Variants in MED13L observed in about 807,000 individuals in gnomAD.
The protein encoded by MED13L is mediator complex subunit 13L, also known as mediator of RNA polymerase II transcription subunit 13-like.
MED13L carries 7 observed loss-of-function variants against 220.9 expected under a neutral mutation model. That is an observed-to-expected ratio of 0.03 (90% CI 0.02 to 0.06). The LOEUF is 0.06. Among genes scored for constraint, MED13L ranks in the 10% least tolerant of loss-of-function variants. The pLI is 1.00. For missense variants in MED13L, 1,965 were observed against 2,760.5 expected (o/e 0.71, Z 6.46); for synonymous variants, 1,011 against 1,015.2 (o/e 1.00, Z 0.08).
chr12:116,091,558 G>A (rs1368239689), intron 4 of MED13L, among the ~76,000 whole-genome samples: 1 of 152,182 alleles, frequency 6.6e-6, no homozygotes, highest in Non-Finnish European at 1.5e-5. Context: ...TTTATCACAA[G>A]CCCTTATTAA....
rs1874343770 is a variant in MED13L, at chr12:116,114,367, T to C, written c.311-2855A>G. On this transcript the variant is annotated intron_variant, in intron 2 of 30. Coordinates refer to ENST00000281928, the MANE Select transcript of MED13L (RefSeq NM_015335.5). ...GCGCTGTGGAACACTGAACAATTAATGAGCATGCACAGGCAATGCCAGCTT... is the reference window on the plus strand; with the variant it reads ...GCGCTGTGGAACACTGAACAATTAACGAGCATGCACAGGCAATGCCAGCTT... Among the ~76,000 whole-genome samples, 3 of 152,234 alleles carry C rather than the reference T, an allele frequency of 2.0e-5. No homozygotes were observed. The South Asian group carries it at 6.2e-4, about 31-fold the overall frequency.
At chr12:116,162,113 G>C (rs1878897600) in intron 2 of MED13L, among the ~76,000 whole-genome samples, 1 of 152,140 alleles carries the variant, frequency 6.6e-6, no homozygotes, top group South Asian at 2.1e-4. Context: ...AAAGCAGATA[G>C]ATCCCAAAAC....
Position 115,983,447 on chromosome 12 carries a change from G to T in MED13L, c.4625C>A (p.Pro1542Gln), listed in dbSNP as rs746833121. The change falls in exon 21 of 31, where the codon CCA (proline) becomes CAA (glutamine). Residue 1542 changes from proline to glutamine, a missense_variant. Physicochemically the swap from Pro to Gln is moderately conservative, Grantham distance 76. This residue lies in a region of MED13L where 510 missense variants were observed against 620.4 expected (regional missense o/e 0.82). Coordinates refer to ENST00000281928, the MANE Select transcript of MED13L (RefSeq NM_015335.5). Reference protein sequence around the residue: ...PPAAAQGQATPGNAGPLAPNG... With the variant: ...PPAAAQGQATQGNAGPLAPNG... ...TGGAGCTAAGGGCCCAGCATTCCCTGGCGTAGCTTGTCCCTGTGCTGCTGC... is the reference window on the plus strand; with the variant it reads ...TGGAGCTAAGGGCCCAGCATTCCCTTGCGTAGCTTGTCCCTGTGCTGCTGC... 2.2e-5 allele frequency: 36 copies of T among 1,614,052 alleles called. No homozygotes were observed. The highest frequency in any genetic ancestry group is 2.9e-5 in the Non-Finnish European group (34 of 1,180,026).
chr12:116,124,130 G>GAGAGAGAGAGAGAC (rs1875346834), intron 2 of MED13L, among the ~76,000 whole-genome samples: 1 of 119,130 alleles, frequency 8.4e-6, no homozygotes, highest in Admixed American at 8.6e-5. Context: ...AGACGAGAGA[G>GAGAGAGAGAGAGAC]AGAGAGAGAG....
intron 3 of MED13L, among the ~76,000 whole-genome samples, chr12:116,100,250 T>C (rs946135018): frequency 1.3e-5 from 2 of 152,092 alleles, no homozygotes; most frequent in Admixed American, 6.6e-5. Flanking sequence ...GTAGCCTATA[T>C]AGAGGCACAA....
chr12:116,256,682 C>CTTTTTTTTTTTTTT (rs35608298), intron 1 of MED13L, among the ~76,000 whole-genome samples: 1 of 96,254 alleles, frequency 1.0e-5, no homozygotes, highest in Non-Finnish European at 1.9e-5. Flanking sequence ...AAACAAACTA[C>CTTTTTTTTTTTTTT]TTTTTTTTTT....
intron 3 of MED13L, among the ~76,000 whole-genome samples, chr12:116,103,523 G>C (rs956583603): frequency 6.6e-6 from 1 of 151,042 alleles, no homozygotes; most frequent in Non-Finnish European, 1.5e-5. Context: ...CTGGCCTCAA[G>C]CAATCCTCCT....
intron 2 of MED13L, among the ~76,000 whole-genome samples, chr12:116,228,336 A>T (rs894391284): frequency 2.0e-5 from 3 of 152,186 alleles, no homozygotes; most frequent in Admixed American, 2.0e-4. Context: ...TCTTTTCTAG[A>T]GATAGGGTCT....
At chr12:116,020,958 G>T (rs1180143628) in intron 5 of MED13L, among the ~76,000 whole-genome samples, 1 of 152,014 alleles carries the variant, frequency 6.6e-6, no homozygotes, top group Non-Finnish European at 1.5e-5. Context: ...ATGTATCGTT[G>T]AGTCTTTCTG....
chr12:116,076,947 G>A (rs1870853620), intron 4 of MED13L, among the ~76,000 whole-genome samples: 1 of 152,132 alleles, frequency 6.6e-6, no homozygotes, highest in Admixed American at 6.5e-5. Context: ...TATTTTTAGG[G>A]CAACCTCTTC....
At chr12:115,995,244 G>GGAC (rs1878324961) in intron 16 of MED13L, among the ~76,000 whole-genome samples, 1 of 152,154 alleles carries the variant, frequency 6.6e-6, no homozygotes. Flanking sequence ...CTTAAGCTCA[G>GGAC]CACAATGGTG....
chr12:116,027,978 C>A (rs1300991128), intron 4 of MED13L, among the ~76,000 whole-genome samples: 1 of 152,132 alleles, frequency 6.6e-6, no homozygotes, highest in African/African-American at 2.4e-5. Flanking sequence ...AATGTGCCTG[C>A]AAGTAAAATT....
intron 4 of MED13L, among the ~76,000 whole-genome samples, chr12:116,027,470 G>A (rs989411804): frequency 1.3e-5 from 2 of 152,016 alleles, no homozygotes; most frequent in Admixed American, 6.6e-5. Context: ...TGGTTCCCTC[G>A]GGGAATGAAA....
At chr12:115,969,648 C>T (rs1279487106) in intron 27 of MED13L, among the ~76,000 whole-genome samples, 1 of 151,732 alleles carries the variant, frequency 6.6e-6, no homozygotes, top group African/African-American at 2.4e-5. Flanking sequence ...GATCTCGGCT[C>T]ACTGCAACCT....
intron 2 of MED13L, among the ~76,000 whole-genome samples, chr12:116,115,178 A>C (rs754869132): frequency 4.6e-5 from 7 of 152,198 alleles, no homozygotes; most frequent in South Asian, 2.1e-4. Flanking sequence ...ATTAGGATAG[A>C]GCAAGCAAGC....
At chr12:115,969,399 A>C (rs899402320) in intron 27 of MED13L, among the ~76,000 whole-genome samples, 16 of 152,240 alleles carry the variant, frequency 1.1e-4, no homozygotes, top group African/African-American at 3.6e-4. Flanking sequence ...ATGGTAAAAG[A>C]GCTAAAGCAA....
At chr12:116,110,361 A>ATAAG (rs1180480600) in intron 3 of MED13L, 1 of 125,936 alleles carries the variant, frequency 7.9e-6, no homozygotes, top group Non-Finnish European at 1.6e-5. Flanking sequence ...GCAAGATTAA[A>ATAAG]TAAATAAATA....
chr12:116,063,810 C>T (rs1445936023), intron 4 of MED13L, among the ~76,000 whole-genome samples: 1 of 152,096 alleles, frequency 6.6e-6, no homozygotes, highest in East Asian at 1.9e-4. Flanking sequence ...GTGGTAGAGT[C>T]ATCCCACTGT....
chr12:116,160,292 A>T (rs1158252682), intron 2 of MED13L, among the ~76,000 whole-genome samples: 1 of 152,198 alleles, frequency 6.6e-6, no homozygotes, highest in Non-Finnish European at 1.5e-5. Context: ...AGGTCTTTTA[A>T]CTGCTATTTT....
Sources: allele counts gnomAD v4.1 joint callset (sites outside exome capture counted in the v4.1 genomes callset), GRCh38; gene constraint gnomAD v4.1.1; regional missense constraint gnomAD v4.1.1; transcripts MANE v1.5; gene names NCBI Gene and HGNC (gene_info 2026-07-23, HGNC 2026-07-21).